The following CSMD1 variants were observed in gnomAD, a reference collection of about 807,000 sequenced individuals.
The protein encoded by CSMD1 is CUB and sushi domain-containing protein 1.
Under a neutral mutation model 417.5 loss-of-function variants are expected in CSMD1, and 213 were observed. The ratio of observed to expected loss-of-function variants is 0.51; its 90% CI spans 0.46 to 0.57. The LOEUF (loss-of-function observed/expected upper bound fraction) is 0.57, where lower values mean the gene tolerates loss of function less well. Ranked by LOEUF, CSMD1 falls within the 20% of genes least tolerant of loss-of-function variation. CSMD1 has a pLI of 0.00. For synonymous variants in CSMD1, 2,862 were observed against 1,736.8 expected, an observed-to-expected ratio of 1.65 and a Z score of -16.11; for missense variants, 6,923 against 4,529.7, an observed-to-expected ratio of 1.53 and a Z score of -15.17.
intron 3 of CSMD1, among the ~76,000 whole-genome samples, chr8:4,082,454 T>C (rs1391020054): frequency 2.6e-5 from 4 of 152,120 alleles, no homozygotes; most frequent in African/African-American, 7.2e-5. Context: ...AGGGCAAAGA[T>C]TGCCTAAGTA....
At chr8:3,144,416 A>G (rs1330546907) in intron 40 of CSMD1, among the ~76,000 whole-genome samples, 1 of 152,186 alleles carries the variant, frequency 6.6e-6, no homozygotes, top group African/African-American at 2.4e-5. Context: ...GAAAAACTGC[A>G]GGATGTGGCT....
intron 1 of CSMD1, among the ~76,000 whole-genome samples, chr8:4,659,276 A>T (rs1804435084): frequency 6.6e-6 from 1 of 151,776 alleles, no homozygotes; most frequent in South Asian, 2.1e-4. Flanking sequence ...GAAAAGATCA[A>T]TTAACACCCT....
At chr8:4,013,063 C>T (rs374617910) in intron 4 of CSMD1, among the ~76,000 whole-genome samples, 2 of 152,094 alleles carry the variant, frequency 1.3e-5, no homozygotes, top group Non-Finnish European at 2.9e-5. Context: ...ATGTTCTTTT[C>T]TCATAAGTAG....
intron 1 of CSMD1, among the ~76,000 whole-genome samples, chr8:4,874,735 C>T (rs1265229507): frequency 1.3e-5 from 2 of 151,076 alleles, no homozygotes; most frequent in East Asian, 1.9e-4. Flanking sequence ...ATTCTTAACA[C>T]CTTAAGTTAT....
At chr8:3,791,481 G>A (rs1563083232) in intron 5 of CSMD1, among the ~76,000 whole-genome samples, 1 of 152,106 alleles carries the variant, frequency 6.6e-6, no homozygotes, top group Non-Finnish European at 1.5e-5. Flanking sequence ...TTCTTTAGTT[G>A]AATAATTTGA....
chr8:4,432,783 A>C (rs11781724), intron 2 of CSMD1, among the ~76,000 whole-genome samples: 25,470 of 152,232 alleles, frequency 0.17, 2,692 homozygotes, highest in Admixed American at 0.27. Context: ...GAAGCCAAGC[A>C]GTAATTTTGG....
At chr8:4,753,473 T>G (rs569249089) in intron 1 of CSMD1, among the ~76,000 whole-genome samples, 1 of 151,642 alleles carries the variant, frequency 6.6e-6, no homozygotes, top group Non-Finnish European at 1.5e-5. Flanking sequence ...TTGTGTCTTA[T>G]GAATTTTCCC....
At chr8:2,981,487 G>C (rs1038315025) in intron 54 of CSMD1, among the ~76,000 whole-genome samples, 2 of 152,182 alleles carry the variant, frequency 1.3e-5, no homozygotes, top group South Asian at 2.1e-4. Context: ...GAAATAAAGA[G>C]GCTCACTCTA....
chr8:4,200,531 T>G (rs1428964069), intron 3 of CSMD1, among the ~76,000 whole-genome samples: 1 of 152,162 alleles, frequency 6.6e-6, no homozygotes, highest in African/African-American at 2.4e-5. Flanking sequence ...AAATGTATAT[T>G]AATATAAATG....
intron 26 of CSMD1, among the ~76,000 whole-genome samples, chr8:3,272,109 A>G (rs1257407789): frequency 1.4e-4 from 20 of 147,944 alleles, no homozygotes; most frequent in Admixed American, 9.6e-4. Context: ...ATTTTTGTAT[A>G]AGGTGTAAGG....
chr8:3,216,273 G>T lies in CSMD1; in HGVS notation c.4673-1582C>A, dbSNP rs929982989. Among the ~76,000 whole-genome samples, 4 of 152,020 alleles carry T rather than the reference G, an allele frequency of 2.6e-5. No homozygotes were observed. In the East Asian group the frequency reaches 7.7e-4, roughly 29 times the overall value. ...TAGAACATTATTTTAAGCAAATACA[G>T]ATCAAATAAGTAAACCTGTAAGTAC... On this transcript the variant is annotated intron_variant, in intron 29 of 69. Coordinates refer to ENST00000635120, the MANE Select transcript of CSMD1 (RefSeq NM_033225.6).
In CSMD1 at chr8:4,636,104, G is replaced by C. The variant is rs148526110; in HGVS notation, c.302+1238C>G. ...TACACATAAAATTGTGTTTTCTGTAGAGATTTTTTTCTCATCCCATAAAAT... is the reference window on the plus strand; with the variant it reads ...TACACATAAAATTGTGTTTTCTGTACAGATTTTTTTCTCATCCCATAAAAT... On this transcript the variant is annotated intron_variant, in intron 2 of 69. Transcript: ENST00000635120. 1.9e-3 allele frequency among the ~76,000 whole-genome samples: 287 copies of C among 152,074 alleles called. 1 individual carries two copies. Among genetic ancestry groups the C allele is most frequent in the African/African-American group, 6.5e-3 (268 of 41,514 alleles).
chr8:4,812,547 C>T lies in CSMD1; in HGVS notation c.86-174989G>A, dbSNP rs79820826. ...ATTCTATGTTTGCAACAAAATATCACATATACCACATGAATTTATCAATTA... is the reference window on the plus strand; with the variant it reads ...ATTCTATGTTTGCAACAAAATATCATATATACCACATGAATTTATCAATTA... On this transcript the variant is annotated intron_variant, in intron 1 of 69. Coordinates refer to ENST00000635120, the MANE Select transcript of CSMD1 (RefSeq NM_033225.6). 7.6e-3 allele frequency among the ~76,000 whole-genome samples: 1,156 copies of T among 152,226 alleles called. 15 individuals carry two copies. Among genetic ancestry groups the T allele is most frequent in the African/African-American group, 0.026 (1,075 of 41,526 alleles).
At chr8:4,605,551 A>G (rs542530558) in intron 2 of CSMD1, among the ~76,000 whole-genome samples, 1 of 152,366 alleles carries the variant, frequency 6.6e-6, no homozygotes, top group East Asian at 1.9e-4. Context: ...TACGCAAATG[A>G]TAATTATCTT....
chr8:4,159,589 C>T (rs1042620651), intron 3 of CSMD1, among the ~76,000 whole-genome samples: 1 of 151,872 alleles, frequency 6.6e-6, no homozygotes, highest in African/African-American at 2.4e-5. Context: ...GATTGCAGAC[C>T]ATTATTATTA....
intron 26 of CSMD1, among the ~76,000 whole-genome samples, chr8:3,282,245 G>C (rs1219191412): frequency 6.6e-6 from 1 of 152,118 alleles, no homozygotes; most frequent in Non-Finnish European, 1.5e-5. Context: ...TAGGTTCATT[G>C]ATTGCAACAA....
chr8:3,878,919 T>G (rs897383963), intron 5 of CSMD1, among the ~76,000 whole-genome samples: 1 of 152,206 alleles, frequency 6.6e-6, no homozygotes, highest in Admixed American at 6.5e-5. Flanking sequence ...TCTCAGAGAA[T>G]GTACATGACA....
At chr8:4,685,949 C>T (rs1222551014) in intron 1 of CSMD1, among the ~76,000 whole-genome samples, 15 of 152,166 alleles carry the variant, frequency 9.9e-5, no homozygotes, top group Admixed American at 5.2e-4. Context: ...AAAGCACTGA[C>T]GTTGTTATAA....
chr8:2,939,187 T>C (rs1299116353), intron 69 of CSMD1, among the ~76,000 whole-genome samples: 1 of 152,216 alleles, frequency 6.6e-6, no homozygotes, highest in Non-Finnish European at 1.5e-5. Flanking sequence ...TTGTTTTGGA[T>C]GTCTATTTAT....
Sources: allele counts gnomAD v4.1 joint callset (sites outside exome capture counted in the v4.1 genomes callset), GRCh38; gene constraint gnomAD v4.1.1; transcripts MANE v1.5; gene names NCBI Gene and HGNC (gene_info 2026-07-23, HGNC 2026-07-21).